The following CHD8 variants were observed in gnomAD, a reference collection of about 807,000 sequenced individuals.
CHD8 encodes the protein chromodomain helicase DNA binding protein 8.
A neutral mutation model predicts 279.2 loss-of-function variants in CHD8; 31 were observed. The ratio of observed to expected loss-of-function variants is 0.11; its 90% CI spans 0.08 to 0.15. The LOEUF (loss-of-function observed/expected upper bound fraction) is 0.15. Ranked by LOEUF, CHD8 falls within the 10% of genes least tolerant of loss-of-function variation. The pLI, the probability that CHD8 is intolerant of heterozygous loss-of-function variation, is 1.00. For missense variants in CHD8, 2,146 were observed against 3,230.5 expected (o/e 0.66, Z 8.14); for synonymous variants, 1,081 against 1,139.6 (o/e 0.95, Z 1.04).
chr14:21,418,027 G>A (rs1376363948), intron 5 of CHD8, among the ~76,000 whole-genome samples: 1 of 151,566 alleles, frequency 6.6e-6, no homozygotes, highest in Non-Finnish European at 1.5e-5. Context: ...AAACTTAACA[G>A]ATTCCTACAA....
Position 21,415,816 on chromosome 14 carries a change from T to A in CHD8, c.1808A>T (p.Asp603Val). The stretch of plus-strand genomic sequence containing the variant: ...CTCAGGTTTTATTGGACCAGTTACA[T>A]CCACCTCTTCTTCTTCTTCATCATC... Reference protein sequence around the residue: ...ITDDEEEEEVDVTGPIKPEPI... With the variant: ...ITDDEEEEEVVVTGPIKPEPI... The change falls in exon 6 of 38, where the codon GAT (aspartate) becomes GTT (valine). Residue 603 changes from aspartate to valine, a missense_variant. Transcript: ENST00000646647. 6.2e-7 allele frequency: 1 copy of A among 1,613,970 alleles called. No individual in the cohort carries two copies. Among genetic ancestry groups the A allele is most frequent in the Non-Finnish European group, 8.5e-7 (1 of 1,179,838 alleles).
intron 26 of CHD8, chr14:21,398,938 TA>T: frequency 2.5e-6 from 1 of 404,144 alleles, no homozygotes; most frequent in East Asian, 7.0e-5. Flanking sequence ...CAGATCTCTG[TA>T]AAGACCCTCA....
At chr14:21,422,323 C>G (rs996547829) in intron 5 of CHD8, among the ~76,000 whole-genome samples, 2 of 151,834 alleles carry the variant, frequency 1.3e-5, no homozygotes, top group African/African-American at 4.8e-5. Context: ...CCTGGAGACC[C>G]TGTCTCAAAA....
intron 37 of CHD8, among the ~76,000 whole-genome samples, chr14:21,387,253 A>AG (rs1887292269): frequency 1.3e-5 from 2 of 151,708 alleles, no homozygotes; most frequent in Admixed American, 6.6e-5. Context: ...TGGGAGGCTG[A>AG]GGCAGGTGGA....
rs891503216 is a variant in CHD8, at chr14:21,394,716, C to T, written c.5390+196G>A. On this transcript the variant is annotated intron_variant, in intron 30 of 37. Coordinates refer to ENST00000646647, the MANE Select transcript of CHD8 (RefSeq NM_001170629.2). ...CACAGACAAATATCAATGAAAATGT[C>T]TACACAGGAGACCTACCTGAGAGTT... 1.6e-5 allele frequency: 10 copies of T among 643,528 alleles called. No individual in the cohort carries two copies. In the East Asian group the frequency reaches 2.2e-4, roughly 14 times the overall value. The allele number at this position is 643,528 out of a possible 1,614,324, so 39.9% of individuals were successfully genotyped here.
chr14:21,418,667 T>C (rs1349648449), intron 5 of CHD8, among the ~76,000 whole-genome samples: 4 of 151,908 alleles, frequency 2.6e-5, no homozygotes, highest in Non-Finnish European at 5.9e-5. Context: ...TATAAAAAAA[T>C]TAGCTGGGCG....
At chr14:21,388,585 T>C (rs562132828) in intron 37 of CHD8, among the ~76,000 whole-genome samples, 3 of 152,270 alleles carry the variant, frequency 2.0e-5, no homozygotes, top group Admixed American at 2.0e-4. Flanking sequence ...TCTCAGCCTC[T>C]GGGCTCAAGT....
chr14:21,399,481 C>T, intron 26 of CHD8, 121 bp downstream of exon 26: 1 of 713,958 alleles, frequency 1.4e-6, no homozygotes, highest in South Asian at 1.6e-5. Context: ...TACTTTCCTA[C>T]TCAAATTTAT....
rs377119444 is a variant in CHD8, at chr14:21,400,661, CCT to C, written c.4371-51_4371-50del. 1.1e-3 allele frequency: 1,542 copies of C among 1,464,254 alleles called. 19 individuals are homozygous for C. The African/African-American group carries it at 0.02, about 19-fold the overall frequency. 90.7% of individuals were successfully genotyped at this position (1,464,254 alleles called of 1,614,324 possible). On this transcript the variant is annotated intron_variant, in intron 22 of 37. Transcript: ENST00000646647. This position sits in a 1 kb window ranked among gnomAD's most constrained non-coding sequence, Gnocchi z 4.2. ...ACATTTTTCTGAGAAATGACAGTCCCCTGTCCCTCAGAATCATGTCTCTGAAA... is the reference window on the plus strand; with the variant it reads ...ACATTTTTCTGAGAAATGACAGTCCCGTCCCTCAGAATCATGTCTCTGAAA...
At position 21,415,014 on chromosome 14, in the gene CHD8, T is replaced by C. The variant is rs192799970; in HGVS notation, c.1969-21A>G. On this transcript the variant is annotated intron_variant, in intron 7 of 37. Transcript: ENST00000646647. ...GGGAGCTAAGAAAAAAGAAATAAAT[T>C]AGTCACTAGTCCCTTATTTGTAAAA... is the stretch of plus-strand genomic sequence containing the variant. 4.0e-5 allele frequency: 60 copies of C among 1,484,138 alleles called. No individual in the cohort carries two copies. The East Asian group carries it at 1.2e-3, about 29-fold the overall frequency. 91.9% of individuals were successfully genotyped at this position (1,484,138 alleles called of 1,614,324 possible). A position where few individuals can be genotyped will look rare whatever the true frequency, so the allele number is the denominator to read the frequency against.
In CHD8 at chr14:21,403,334, G is replaced by T; in HGVS notation, c.3518+119C>A. 1 of 1,268,684 alleles carries T rather than the reference G, an allele frequency of 7.9e-7. No homozygotes were observed. Among genetic ancestry groups the T allele is most frequent in the Non-Finnish European group, 1.1e-6 (1 of 913,626 alleles). 78.6% of individuals were successfully genotyped at this position (1,268,684 alleles called of 1,614,324 possible). On this transcript the variant is annotated intron_variant, in intron 17 of 37. Transcript: ENST00000646647. This position sits in a 1 kb window ranked among gnomAD's most constrained non-coding sequence, Gnocchi z 4.3. Reference sequence around the variant, plus strand: ...CTGGTCAAAAACCCAAGTTGAGAGTGAGAATCTTAAAAACTTCTCTTATTG... The same window carrying T: ...CTGGTCAAAAACCCAAGTTGAGAGTTAGAATCTTAAAAACTTCTCTTATTG...
chr14:21,431,679 T>C lies in CHD8; in HGVS notation c.-36A>G. On this transcript the variant is annotated 5_prime_UTR_variant, in exon 2 of 38. Transcript: ENST00000646647. ...TAATGGAGGGTACTTCTCCAAGGTC[T>C]AGGGAGGGAAGGGGAGGGGGGGTAC... is the stretch of plus-strand genomic sequence containing the variant. 6.3e-7 allele frequency: 1 copy of C among 1,582,626 alleles called. No homozygotes were observed. The highest frequency in any genetic ancestry group is 8.6e-7 in the Non-Finnish European group (1 of 1,165,480).
At chr14:21,434,468 T>A (rs965443624) in intron 1 of CHD8, among the ~76,000 whole-genome samples, 17 of 152,102 alleles carry the variant, frequency 1.1e-4, no homozygotes, top group Non-Finnish European at 4.4e-5. Context: ...CTTTCCCCCA[T>A]AATGATCCAA....
At chr14:21,449,333 T>C (rs780849006) in intron 1 of CHD8, among the ~76,000 whole-genome samples, 35 of 152,152 alleles carry the variant, frequency 2.3e-4, no homozygotes, top group Non-Finnish European at 4.1e-4. Flanking sequence ...TACATTTCAG[T>C]TATTCTTAAG....
At chr14:21,396,429 C>T (rs767779113) in intron 27 of CHD8, among the ~76,000 whole-genome samples, 1 of 151,724 alleles carries the variant, frequency 6.6e-6, no homozygotes, top group Non-Finnish European at 1.5e-5. Context: ...GCCTCAGCCT[C>T]CTGAGTAGCT....
chr14:21,417,205 T>C (rs1216902328), intron 5 of CHD8, among the ~76,000 whole-genome samples: 1 of 152,198 alleles, frequency 6.6e-6, no homozygotes, highest in Non-Finnish European at 1.5e-5. Flanking sequence ...TGAGAGTACA[T>C]ATAGGCACGA....
chr14:21,452,010 G>C (rs1258700508), intron 1 of CHD8, among the ~76,000 whole-genome samples: 1 of 152,124 alleles, frequency 6.6e-6, no homozygotes, highest in African/African-American at 2.4e-5. Flanking sequence ...AGGAGAAAAA[G>C]GTTATCCAAG....
rs1887175804 is a variant in CHD8, at chr14:21,385,317, A to G, written c.*296T>C. 1 of 414,028 alleles carries G rather than the reference A, an allele frequency of 2.4e-6. No individual in the cohort carries two copies. The highest frequency in any genetic ancestry group is 4.2e-5 in the East Asian group (1 of 23,598). 25.6% of individuals were successfully genotyped at this position (414,028 alleles called of 1,614,324 possible). A position where few individuals can be genotyped will look rare whatever the true frequency, so the allele number is the denominator to read the frequency against. ...TGCCAGAGGCTAGGGCCAGCGCTAC[A>G]TAGTCTGTGGTTAATGGAGGTGACT... On this transcript the variant is annotated 3_prime_UTR_variant, in exon 38 of 38. Coordinates refer to ENST00000646647, the MANE Select transcript of CHD8 (RefSeq NM_001170629.2).
At position 21,400,692 on chromosome 14, in the gene CHD8, T is replaced by C. The variant is rs939314399; in HGVS notation, c.4371-80A>G. 2 of 1,366,728 alleles carry C rather than the reference T, an allele frequency of 1.5e-6. No homozygotes were observed. The highest frequency in any genetic ancestry group is 1.5e-5 in the African/African-American group (1 of 68,362). The allele number at this position is 1,366,728 out of a possible 1,614,324, so 84.7% of individuals were successfully genotyped here. A position where few individuals can be genotyped will look rare whatever the true frequency, so the allele number is the denominator to read the frequency against. On this transcript the variant is annotated intron_variant, in intron 22 of 37. Transcript: ENST00000646647. The surrounding 1 kb of genome is among the most constrained non-coding windows in gnomAD (Gnocchi z 4.2). ...CCTCAGAATCATGTCTCTGAAAAGG[T>C]GTGAAACAAAGATCTTAAAAAACAT...
Sources: gnomAD v4.1 joint callset for allele counts (sites outside exome capture counted in the v4.1 genomes callset) on GRCh38, gnomAD v4.1.1 for gene constraint, Gnocchi (gnomAD v3.1) non-coding constraint, MANE v1.5 for transcripts, NCBI Gene and HGNC (gene_info 2026-07-23, HGNC 2026-07-21) for gene names.